Variants in MYO5A observed in about 807,000 individuals in gnomAD.
MYO5A encodes myosin VA.
A neutral mutation model predicts 249.7 loss-of-function variants in MYO5A; 98 were observed. The observed-to-expected ratio is 0.39, with a 90% CI of 0.33 to 0.46. The LOEUF is 0.46. Ranked by LOEUF, MYO5A falls within the 20% of genes least tolerant of loss-of-function variation. MYO5A has a pLI of 0.98. For synonymous variants in MYO5A, 778 were observed against 810.6 expected, an observed-to-expected ratio of 0.96 and a Z score of 0.68; for missense variants, 1,696 against 2,308.8, an observed-to-expected ratio of 0.73 and a Z score of 5.44.
At chr15:52,341,667 A>T (rs75057885) in intron 31 of MYO5A, among the ~76,000 whole-genome samples, 1 of 152,284 alleles carries the variant, frequency 6.6e-6, no homozygotes, top group African/African-American at 2.4e-5. Flanking sequence ...GACTAAAAAT[A>T]TTTAGTGATT....
intron 28 of MYO5A, 63 bp from the exon 29 acceptor site, chr15:52,348,889 A>G (rs2039798793): frequency 1.3e-6 from 2 of 1,548,722 alleles, no homozygotes; most frequent in Admixed American, 1.8e-5. Context: ...AGTTCCATAA[A>G]TAAATTTCAT....
At chr15:52,401,242 G>A (rs1296207711) in intron 9 of MYO5A, among the ~76,000 whole-genome samples, 1 of 151,936 alleles carries the variant, frequency 6.6e-6, no homozygotes, top group Non-Finnish European at 1.5e-5. Context: ...GCTAATTTTT[G>A]TATCTTTAGT....
chr15:52,461,434 C>G (rs895686065), intron 1 of MYO5A, among the ~76,000 whole-genome samples: 13 of 152,146 alleles, frequency 8.5e-5, no homozygotes, highest in Admixed American at 6.5e-4. Context: ...AATTTGCTAT[C>G]AACCATAAGC....
At chr15:52,456,926 C>T (rs141645211) in intron 1 of MYO5A, among the ~76,000 whole-genome samples, 1 of 152,136 alleles carries the variant, frequency 6.6e-6, no homozygotes, top group East Asian at 1.9e-4. Flanking sequence ...GCTAAGACTT[C>T]AAAATTACAA....
intron 1 of MYO5A, among the ~76,000 whole-genome samples, chr15:52,469,743 T>TG: frequency 6.6e-6 from 1 of 152,350 alleles, no homozygotes; most frequent in East Asian, 1.9e-4. Context: ...AAAGCAGTCT[T>TG]GAAAAATCAG....
rs1346499208 is a variant in MYO5A, at chr15:52,444,895, T to G, written c.28-11610A>C. Reference sequence around the variant, plus strand: ...GGTAAGATTTAAGGAATCATGGCATTAAACATCAAACAACACATACATTAT... The same window carrying G: ...GGTAAGATTTAAGGAATCATGGCATGAAACATCAAACAACACATACATTAT... On this transcript the variant is annotated intron_variant, in intron 1 of 41. Coordinates refer to ENST00000399233, the MANE Select transcript of MYO5A (RefSeq NM_001382347.1). 2.0e-5 allele frequency among the ~76,000 whole-genome samples: 3 copies of G among 152,172 alleles called. No individual in the cohort carries two copies. In the East Asian group the frequency reaches 5.8e-4, roughly 29 times the overall value.
chr15:52,489,346 C>T (rs1049749216), intron 1 of MYO5A, among the ~76,000 whole-genome samples: 7 of 152,084 alleles, frequency 4.6e-5, no homozygotes, highest in African/African-American at 1.4e-4. Context: ...GGGCGGATCA[C>T]GAGGTCAGGA....
At chr15:52,355,813 T>A (rs2040192405) in intron 25 of MYO5A, among the ~76,000 whole-genome samples, 1 of 152,198 alleles carries the variant, frequency 6.6e-6, no homozygotes, top group Non-Finnish European at 1.5e-5. Flanking sequence ...CATCCTTAGA[T>A]TTTGGTATTC....
chr15:52,492,809 G>T (rs914695975), intron 1 of MYO5A, among the ~76,000 whole-genome samples: 12 of 152,172 alleles, frequency 7.9e-5, no homozygotes, highest in African/African-American at 2.9e-4. Flanking sequence ...CATAAGATTG[G>T]CCAGGAGTTG....
chr15:52,428,243 A>G (rs973828178), intron 3 of MYO5A, among the ~76,000 whole-genome samples, 155 bp downstream of exon 3: 7 of 152,212 alleles, frequency 4.6e-5, no homozygotes, highest in African/African-American at 7.2e-5. Context: ...TTCAGCATAA[A>G]TGCAACTTGG....
intron 4 of MYO5A, among the ~76,000 whole-genome samples, chr15:52,425,143 G>C (rs534097894): frequency 1.5e-3 from 224 of 152,220 alleles, no homozygotes; most frequent in African/African-American, 5.2e-3. Context: ...GATTCAGAAA[G>C]ATTTTTTTTA....
At chr15:52,325,662 A>G (rs1567021135) in intron 36 of MYO5A, among the ~76,000 whole-genome samples, 1 of 152,072 alleles carries the variant, frequency 6.6e-6, no homozygotes, top group Non-Finnish European at 1.5e-5. Flanking sequence ...TCTGCCTCCC[A>G]AAGTGCTGGG....
intron 1 of MYO5A, among the ~76,000 whole-genome samples, chr15:52,521,553 A>G (rs1187760043): frequency 6.6e-6 from 1 of 152,226 alleles, no homozygotes; most frequent in Non-Finnish European, 1.5e-5. Flanking sequence ...CACAGGAGGT[A>G]GATACATGGT....
chr15:52,457,358 G>A (rs2076138722), intron 1 of MYO5A, among the ~76,000 whole-genome samples: 1 of 150,518 alleles, frequency 6.6e-6, no homozygotes, highest in East Asian at 1.9e-4. Flanking sequence ...TGAGCCCAGG[G>A]AGGTTAAGGC....
intron 14 of MYO5A, 124 bp from the exon 15 acceptor site, chr15:52,384,446 G>C: frequency 2.0e-6 from 2 of 992,106 alleles, no homozygotes; most frequent in South Asian, 1.4e-5. Flanking sequence ...ACTCCAGAAA[G>C]AGTCAGTATC....
chr15:52,356,024 T>C (rs1432058403), intron 25 of MYO5A, among the ~76,000 whole-genome samples: 1 of 152,254 alleles, frequency 6.6e-6, no homozygotes, highest in African/African-American at 2.4e-5. Context: ...ATAATGGAAG[T>C]TGTGGATGCC....
intron 4 of MYO5A, among the ~76,000 whole-genome samples, chr15:52,419,495 A>G (rs1436131189): frequency 3.9e-5 from 6 of 152,190 alleles, no homozygotes; most frequent in African/African-American, 1.4e-4. Context: ...CCTACTTTTA[A>G]TTAGTCTCAA....
chr15:52,492,076 T>C (rs1033651112), intron 1 of MYO5A, among the ~76,000 whole-genome samples: 3 of 152,162 alleles, frequency 2.0e-5, no homozygotes, highest in African/African-American at 7.2e-5. Context: ...TTTGATAATA[T>C]TAAGGAATTA....
chr15:52,407,346 C>T lies in MYO5A; in HGVS notation c.892G>A (p.Gly298Arg), dbSNP rs779892139. ...TKQGGSPVIE[G>R]VDDAKEMAHT... ...GCCATCTCCTTTGCATCATCCACTC[C>T]TTCAATCACAGGACTGCCTCCTTGT... Residue 298 changes from glycine (G) to arginine (R), a missense_variant, in exon 8 of 42, where the codon GGA becomes AGA. Gly to Arg is a moderately radical substitution (Grantham distance 125). This residue lies in a region of MYO5A where 185 missense variants were observed against 204.8 expected (regional missense o/e 0.90). Coordinates refer to ENST00000399233, the MANE Select transcript of MYO5A (RefSeq NM_001382347.1). The T allele has an allele frequency of 6.2e-7, 1 of 1,613,792 alleles. No homozygotes were observed. Among genetic ancestry groups the T allele is most frequent in the Non-Finnish European group, 8.5e-7 (1 of 1,179,720 alleles).
Sources: allele counts gnomAD v4.1 joint callset (sites outside exome capture counted in the v4.1 genomes callset), GRCh38; gene constraint gnomAD v4.1.1; regional missense constraint gnomAD v4.1.1; transcripts MANE v1.5; gene names NCBI Gene and HGNC (gene_info 2026-07-23, HGNC 2026-07-21).